The following KCTD16 variants were observed in gnomAD, a reference collection of about 807,000 sequenced individuals.
KCTD16 encodes the protein BTB/POZ domain-containing protein KCTD16.
KCTD16 carries 13 observed loss-of-function variants against 33.2 expected under a neutral mutation model. The observed-to-expected ratio is 0.39, with a 90% CI of 0.25 to 0.62. The LOEUF (loss-of-function observed/expected upper bound fraction) is 0.62. Ranked by LOEUF, KCTD16 falls within the 20% of genes least tolerant of loss-of-function variation. The pLI is 0.50. For synonymous variants in KCTD16, 197 were observed against 195.3 expected (o/e 1.01, Z -0.07); for missense variants, 441 against 525.1 (o/e 0.84, Z 1.57).
At chr5:144,446,870 C>T (rs986012217) in intron 3 of KCTD16, among the ~76,000 whole-genome samples, 1 of 152,040 alleles carries the variant, frequency 6.6e-6, no homozygotes, top group Admixed American at 6.6e-5. Flanking sequence ...CTATCTCGTG[C>T]CAGTTAGAAT....
chr5:144,435,959 C>A (rs919480878), intron 3 of KCTD16, among the ~76,000 whole-genome samples: 1 of 152,150 alleles, frequency 6.6e-6, no homozygotes, highest in Non-Finnish European at 1.5e-5. Context: ...TTTTACTGGC[C>A]TAGAGTCCAT....
chr5:144,248,494 G>A (rs1754610081), intron 3 of KCTD16, among the ~76,000 whole-genome samples: 1 of 152,190 alleles, frequency 6.6e-6, no homozygotes, highest in Non-Finnish European at 1.5e-5. Context: ...TTGTCTCTAA[G>A]ATGGGAGAAC....
chr5:144,229,434 G>A (rs1490061407), intron 3 of KCTD16, among the ~76,000 whole-genome samples: 1 of 152,146 alleles, frequency 6.6e-6, no homozygotes, highest in African/African-American at 2.4e-5. Context: ...AATGAATAAT[G>A]ACACACTCAG....
intron 3 of KCTD16, among the ~76,000 whole-genome samples, chr5:144,358,902 G>A (rs1477259697): frequency 6.6e-6 from 1 of 152,110 alleles, no homozygotes; most frequent in Non-Finnish European, 1.5e-5. Flanking sequence ...GTCACCTTGA[G>A]GGCCAGGATT....
chr5:144,403,926 C>T (rs941486967), intron 3 of KCTD16, among the ~76,000 whole-genome samples: 2 of 152,174 alleles, frequency 1.3e-5, no homozygotes, highest in African/African-American at 2.4e-5. Flanking sequence ...GGTCTAATTA[C>T]TCCATCAAAT....
At chr5:144,177,331 G>A (rs1233599677) in intron 2 of KCTD16, among the ~76,000 whole-genome samples, 1 of 152,200 alleles carries the variant, frequency 6.6e-6, no homozygotes, top group Non-Finnish European at 1.5e-5. Flanking sequence ...TGAGACTAAA[G>A]TGATGGTTTG....
At chr5:144,202,731 T>C (rs1323663419) in intron 2 of KCTD16, among the ~76,000 whole-genome samples, 2 of 152,228 alleles carry the variant, frequency 1.3e-5, no homozygotes, top group East Asian at 1.9e-4. Context: ...AACAATATGA[T>C]GCAATATAAT....
At chr5:144,346,879 T>C (rs1223231890) in intron 3 of KCTD16, among the ~76,000 whole-genome samples, 2 of 152,224 alleles carry the variant, frequency 1.3e-5, no homozygotes, top group African/African-American at 4.8e-5. Context: ...CATTTGTCCA[T>C]GTTTGCTTTG....
chr5:144,378,184 A>G (rs529315010), intron 3 of KCTD16, among the ~76,000 whole-genome samples: 2 of 152,170 alleles, frequency 1.3e-5, no homozygotes, highest in African/African-American at 4.8e-5. Flanking sequence ...GGAAAGGAAG[A>G]CTACTAGCCT....
At chr5:144,358,885 C>A (rs1193986844) in intron 3 of KCTD16, among the ~76,000 whole-genome samples, 1 of 152,160 alleles carries the variant, frequency 6.6e-6, no homozygotes, top group African/African-American at 2.4e-5. Context: ...CCCTACCTCC[C>A]AGTTCTGTCA....
intron 2 of KCTD16, among the ~76,000 whole-genome samples, chr5:144,179,481 G>T (rs1752574331): frequency 1.3e-5 from 2 of 152,140 alleles, no homozygotes; most frequent in Admixed American, 6.5e-5. Context: ...CTCTCTCCCA[G>T]GCTGTGAGTG....
In KCTD16 at chr5:144,483,139, A is replaced by AG. The variant is rs1754738435; in HGVS notation, c.*9025_*9026insG. The AG allele has an allele frequency of 8.0e-6, 1 of 125,628 alleles. No individual in the cohort carries two copies. The highest frequency in any genetic ancestry group is 3.7e-5 in the African/African-American group (1 of 27,292). 7.8% of individuals were successfully genotyped at this position (125,628 alleles called of 1,614,324 possible). On this transcript the variant is annotated 3_prime_UTR_variant, in exon 4 of 4. Coordinates refer to ENST00000512467, the MANE Select transcript of KCTD16 (RefSeq NM_020768.4). ...ACATGTTTTCACACTTCTTCATTCC[A>AG]AAAAAAAAAAAAAAACCAAACCAGA...
intron 3 of KCTD16, among the ~76,000 whole-genome samples, chr5:144,361,907 TG>T (rs1751722876): frequency 6.8e-4 from 6 of 8,806 alleles, no homozygotes; most frequent in South Asian, 0.026. Flanking sequence ...GGTGTTATTT[TG>T]TGTGTGTGTG....
chr5:144,272,377 C>G (rs958920161), intron 3 of KCTD16, among the ~76,000 whole-genome samples: 4 of 152,064 alleles, frequency 2.6e-5, no homozygotes, highest in African/African-American at 9.7e-5. Context: ...TTACAGTGAG[C>G]TGAGGTTGCA....
intron 1 of KCTD16, among the ~76,000 whole-genome samples, chr5:144,171,327 A>G (rs1752378996): frequency 6.6e-6 from 1 of 152,192 alleles, no homozygotes; most frequent in African/African-American, 2.4e-5. Flanking sequence ...AGAAGACCAG[A>G]AAAGAGAAGA....
chr5:144,205,379 T>C (rs1753137870), intron 2 of KCTD16: 1 of 396,786 alleles, frequency 2.5e-6, no homozygotes, highest in African/African-American at 2.1e-5. Flanking sequence ...CCTGCACTGC[T>C]GAAACAACAG....
At chr5:144,205,252 C>A in intron 2 of KCTD16, 1 of 306,858 alleles carries the variant, frequency 3.3e-6, no homozygotes, top group Non-Finnish European at 5.9e-6. Flanking sequence ...GCGCGGCGTC[C>A]CCGTGCAGTC....
chr5:144,171,982 A>T (rs796550375), intron 1 of KCTD16, among the ~76,000 whole-genome samples: 4 of 152,300 alleles, frequency 2.6e-5, no homozygotes, highest in African/African-American at 9.6e-5. Context: ...ATAGCAATAA[A>T]ATTTATCATG....
chr5:144,188,227 A>G (rs980757342), intron 2 of KCTD16, among the ~76,000 whole-genome samples: 10 of 152,162 alleles, frequency 6.6e-5, no homozygotes, highest in African/African-American at 2.4e-4. Flanking sequence ...TTCTATGTGT[A>G]TTGTCCTTTG....
Sources: allele counts gnomAD v4.1 joint callset (sites outside exome capture counted in the v4.1 genomes callset), GRCh38; gene constraint gnomAD v4.1.1; transcripts MANE v1.5; gene names NCBI Gene and HGNC (gene_info 2026-07-23, HGNC 2026-07-21).